The following SHQ1 variants were observed in gnomAD, a reference collection of about 807,000 sequenced individuals.
SHQ1 encodes the protein SHQ1, H/ACA ribonucleoprotein assembly factor, also known as protein SHQ1 homolog.
Under a neutral mutation model 53.8 loss-of-function variants are expected in SHQ1, and 49 were observed. That is an observed-to-expected ratio of 0.91 (90% confidence interval 0.72 to 1.16). The LOEUF is 1.16. SHQ1 is among the 50% of genes most tolerant of loss of function. SHQ1 has a pLI of 0.00. For missense variants in SHQ1, 738 were observed against 683.1 expected (o/e 1.08, Z -0.90); for synonymous variants, 243 against 251.0 (o/e 0.97, Z 0.30).
the SHQ1 span, among the ~76,000 whole-genome samples, chr3:72,735,762 C>A: frequency 0.17 from 14,870 of 89,618 alleles, 58 homozygotes; most frequent in Admixed American, 0.25. Flanking sequence ...GGCAGGCAGG[C>A]AGGCAGGCAG....
chr3:72,810,924 A>T (rs1707100158), intron 9 of SHQ1, among the ~76,000 whole-genome samples: 1 of 152,236 alleles, frequency 6.6e-6, no homozygotes, highest in African/African-American at 2.4e-5. Flanking sequence ...CCAGTGTGTT[A>T]CTTCAAGTTT....
At chr3:72,832,304 A>G in intron 5 of SHQ1, 65 bp downstream of exon 5, 1 of 1,182,512 alleles carries the variant, frequency 8.5e-7, no homozygotes, top group South Asian at 1.2e-5. Flanking sequence ...AGTTTAAAAG[A>G]CACTCAAAAA....
chr3:72,755,162 G>A (rs936456689), intron 10 of SHQ1, among the ~76,000 whole-genome samples: 1 of 152,118 alleles, frequency 6.6e-6, no homozygotes, highest in South Asian at 2.1e-4. Flanking sequence ...ACCAGCTGAT[G>A]CGAACTTTTA....
intron 9 of SHQ1, among the ~76,000 whole-genome samples, chr3:72,803,234 T>A (rs533577914): frequency 2.6e-5 from 4 of 152,348 alleles, no homozygotes; most frequent in Non-Finnish European, 4.4e-5. Context: ...TTTAAAAAAA[T>A]TTTAAAGATC....
At chr3:72,768,650 G>C (rs1360683996) in intron 10 of SHQ1, among the ~76,000 whole-genome samples, 1 of 152,116 alleles carries the variant, frequency 6.6e-6, no homozygotes, top group East Asian at 1.9e-4. Context: ...ACAACAACAG[G>C]GCTGCTATCC....
At position 72,749,432 on chromosome 3, in the gene SHQ1, A is replaced by G. The variant is rs1705317934; in HGVS notation, c.*852T>C. The G allele has an allele frequency of 4.5e-6, 1 of 220,856 alleles. No individual in the cohort carries two copies. The highest frequency in any genetic ancestry group is 9.1e-6 in the Non-Finnish European group (1 of 110,170). The allele number at this position is 220,856 out of a possible 1,614,324, so 13.7% of individuals were successfully genotyped here. On this transcript the variant is annotated 3_prime_UTR_variant, in exon 11 of 11. Coordinates refer to ENST00000325599, the MANE Select transcript of SHQ1 (RefSeq NM_018130.3). ...AAAAACTCGTGACACATGCTACCAC[A>G]TGGATGAATCTCAAAATAACTATAC...
intron 10 of SHQ1, among the ~76,000 whole-genome samples, chr3:72,760,550 C>T (rs769568543): frequency 1.3e-4 from 20 of 152,186 alleles, no homozygotes; most frequent in Non-Finnish European, 2.2e-4. Context: ...TTTGATGCAG[C>T]TTGAAAGTTT....
At chr3:72,795,427 G>A (rs1417843473) in intron 9 of SHQ1, 3 of 152,204 alleles carry the variant, frequency 2.0e-5, no homozygotes, top group Non-Finnish European at 4.4e-5. Flanking sequence ...TTGATGAAAG[G>A]AGGAGGAAAT....
chr3:72,823,442 A>C (rs533005480), intron 6 of SHQ1, among the ~76,000 whole-genome samples: 1 of 152,356 alleles, frequency 6.6e-6, no homozygotes, highest in East Asian at 1.9e-4. Flanking sequence ...GCTACTTCAG[A>C]ATGAGTGGTC....
intron 10 of SHQ1, among the ~76,000 whole-genome samples, chr3:72,756,702 C>T (rs1705502866): frequency 6.6e-6 from 1 of 152,186 alleles, no homozygotes; most frequent in Admixed American, 6.5e-5. Flanking sequence ...TTTAATAAAA[C>T]CACACTCAAA....
chr3:72,827,521 T>C (rs1054391865), intron 5 of SHQ1, among the ~76,000 whole-genome samples: 4 of 152,090 alleles, frequency 2.6e-5, no homozygotes, highest in African/African-American at 7.2e-5. Context: ...ATGGTATTTC[T>C]ACCACCTCCA....
intron 10 of SHQ1, among the ~76,000 whole-genome samples, chr3:72,758,509 T>C (rs1291906067): frequency 6.6e-6 from 1 of 151,560 alleles, no homozygotes; most frequent in African/African-American, 2.4e-5. Context: ...CAAAAACTGG[T>C]AGCAGAAAAC....
rs1241547086 is a variant in SHQ1 at position 72,770,703 on chromosome 3, GAAC to G, written c.1182-19870_1182-19868del. Among the ~76,000 whole-genome samples the G allele has an allele frequency of 3.3e-5, 5 of 152,230 alleles. No homozygotes were observed. In the South Asian group the frequency reaches 6.2e-4, roughly 19 times the overall value. ...CACAGAATAAAAGAAGAGGGAATCA[GAAC>G]AATACACCTAGCCTCGAATATCCAC... is the stretch of plus-strand genomic sequence containing the variant. On this transcript the variant is annotated intron_variant, in intron 10 of 10. Coordinates refer to ENST00000325599, the MANE Select transcript of SHQ1 (RefSeq NM_018130.3).
intron 10 of SHQ1, among the ~76,000 whole-genome samples, chr3:72,783,354 T>A (rs1452479171): frequency 1.3e-5 from 2 of 149,540 alleles, no homozygotes; most frequent in Non-Finnish European, 2.9e-5. Flanking sequence ...CCCAATTTAT[T>A]TTTATACACT....
In SHQ1 at chr3:72,750,130, C is replaced by G; in HGVS notation, c.*154G>C. 1.5e-6 allele frequency: 1 copy of G among 649,142 alleles called. No individual in the cohort carries two copies. The highest frequency in any genetic ancestry group is 2.6e-6 in the Non-Finnish European group (1 of 383,828). 40.2% of individuals were successfully genotyped at this position (649,142 alleles called of 1,614,324 possible). On this transcript the variant is annotated 3_prime_UTR_variant, in exon 11 of 11. Transcript: ENST00000325599. ...CGATTTTTTCTTCAATATTTTTGAT[C>G]TGCAGTTGGTTGAATCCACAGATGT...
intron 6 of SHQ1, among the ~76,000 whole-genome samples, chr3:72,823,775 G>C (rs1399334478): frequency 1.3e-5 from 2 of 152,190 alleles, no homozygotes; most frequent in Non-Finnish European, 2.9e-5. Context: ...CCGGGAAGAA[G>C]AACTTGGGGT....
Position 72,750,856 on chromosome 3 carries a change from G to C in SHQ1, c.1182-20C>G, listed in dbSNP as rs1705351158. 1 of 1,485,686 alleles carries C rather than the reference G, an allele frequency of 6.7e-7. No individual in the cohort carries two copies. Among genetic ancestry groups the C allele is most frequent in the African/African-American group, 1.4e-5 (1 of 70,274 alleles). 92.0% of individuals were successfully genotyped at this position (1,485,686 alleles called of 1,614,324 possible). ...TTGGATCTTGAAAACATTTTAAAAA[G>C]AAAGATTAGAATTATTTATTAATTG... On this transcript the variant is annotated intron_variant, in intron 10 of 10. Coordinates refer to ENST00000325599, the MANE Select transcript of SHQ1 (RefSeq NM_018130.3).
At chr3:72,730,078 A>C in the SHQ1 span, among the ~76,000 whole-genome samples, 1 of 151,974 alleles carries the variant, frequency 6.6e-6, no homozygotes, top group Non-Finnish European at 1.5e-5. Context: ...TCGGCTTCCC[A>C]AAGTGCTGGA....
At chr3:72,797,689 T>C (rs1466122532) in intron 9 of SHQ1, among the ~76,000 whole-genome samples, 1 of 152,362 alleles carries the variant, frequency 6.6e-6, no homozygotes, top group East Asian at 1.9e-4. Context: ...ACTACTTTCA[T>C]AGTATGTGAT....
Sources: gnomAD v4.1 joint callset for allele counts (sites outside exome capture counted in the v4.1 genomes callset) on GRCh38, gnomAD v4.1.1 for gene constraint, MANE v1.5 for transcripts, NCBI Gene and HGNC (gene_info 2026-07-23, HGNC 2026-07-21) for gene names.